PTPRK: variants seen among roughly 807,000 people sequenced by gnomAD.
PTPRK encodes the protein receptor-type tyrosine-protein phosphatase kappa.
A neutral mutation model predicts 178.0 loss-of-function variants in PTPRK; 75 were observed. The ratio of observed to expected loss-of-function variants is 0.42; its 90% confidence interval spans 0.35 to 0.51. The LOEUF is 0.51. PTPRK is among the 20% of genes least tolerant of loss of function. The probability of loss-of-function intolerance (pLI) is 0.02; values close to 1 mark genes in which losing one functional copy is unlikely to be tolerated. For synonymous variants in PTPRK, 637 were observed against 620.6 expected (o/e 1.03, Z -0.39); for missense variants, 1,441 against 1,797.8 (o/e 0.80, Z 3.59).
At chr6:128,314,500 G>A (rs904617615) in intron 3 of PTPRK, among the ~76,000 whole-genome samples, 5 of 152,200 alleles carry the variant, frequency 3.3e-5, no homozygotes, top group African/African-American at 1.2e-4. Context: ...TTCAGGCTGG[G>A]AATTCCACTT....
intron 1 of PTPRK, among the ~76,000 whole-genome samples, chr6:128,495,276 G>A (rs950507433): frequency 1.3e-5 from 2 of 152,120 alleles, no homozygotes; most frequent in Admixed American, 6.5e-5. Context: ...AATTTTAAAT[G>A]ACTACATTTT....
intron 13 of PTPRK, among the ~76,000 whole-genome samples, chr6:128,021,664 C>T (rs1478115574): frequency 2.0e-5 from 3 of 152,100 alleles, no homozygotes; most frequent in African/African-American, 4.8e-5. Flanking sequence ...AAAGTTTCAT[C>T]TCTTCCACAA....
At chr6:128,309,565 C>A (rs927240698) in intron 3 of PTPRK, among the ~76,000 whole-genome samples, 1 of 152,154 alleles carries the variant, frequency 6.6e-6, no homozygotes, top group Non-Finnish European at 1.5e-5. Flanking sequence ...CCTCCCCACA[C>A]TGGAGTTACT....
intron 29 of PTPRK, 65 bp downstream of exon 29, chr6:127,972,957 A>G (rs1482650314): frequency 6.6e-7 from 1 of 1,506,396 alleles, no homozygotes; most frequent in Non-Finnish European, 9.2e-7. Context: ...AAGTCAAATC[A>G]ATAAGTAGGT....
At chr6:128,176,857 T>C (rs888255396) in intron 7 of PTPRK, among the ~76,000 whole-genome samples, 1 of 151,672 alleles carries the variant, frequency 6.6e-6, no homozygotes, top group Non-Finnish European at 1.5e-5. Flanking sequence ...ATCATTTTTT[T>C]CAATCAAGAA....
At chr6:128,167,213 C>A (rs939460913) in intron 7 of PTPRK, among the ~76,000 whole-genome samples, 4 of 151,646 alleles carry the variant, frequency 2.6e-5, no homozygotes, top group Non-Finnish European at 5.9e-5. Context: ...TGTACACAGC[C>A]AGAAAAAAAA....
intron 1 of PTPRK, among the ~76,000 whole-genome samples, chr6:128,500,250 C>A (rs934890965): frequency 6.6e-6 from 1 of 152,030 alleles, no homozygotes; most frequent in Non-Finnish European, 1.5e-5. Flanking sequence ...TCAGGCCCTG[C>A]TGAATAAACA....
At chr6:128,224,574 A>T (rs1583564053) in intron 5 of PTPRK, among the ~76,000 whole-genome samples, 1 of 152,224 alleles carries the variant, frequency 6.6e-6, no homozygotes, top group Non-Finnish European at 1.5e-5. Flanking sequence ...CTTTAGATAT[A>T]TTGTATCAAA....
At chr6:128,424,400 C>T (rs915041278) in intron 1 of PTPRK, among the ~76,000 whole-genome samples, 1 of 152,098 alleles carries the variant, frequency 6.6e-6, no homozygotes, top group Non-Finnish European at 1.5e-5. Flanking sequence ...GGCTGAAGCC[C>T]ACATCTCTCA....
chr6:128,169,002 C>A (rs182570665), intron 7 of PTPRK, among the ~76,000 whole-genome samples: 1 of 152,026 alleles, frequency 6.6e-6, no homozygotes, highest in African/African-American at 2.4e-5. Flanking sequence ...TGTGACCTCA[C>A]TTAAATGTGG....
intron 7 of PTPRK, among the ~76,000 whole-genome samples, chr6:128,092,552 C>T (rs943430578): frequency 6.6e-6 from 1 of 152,112 alleles, no homozygotes; most frequent in Non-Finnish European, 1.5e-5. Flanking sequence ...TACACATATG[C>T]AGTACATACA....
chr6:128,235,514 G>C, intron 5 of PTPRK: 1 of 444,966 alleles, frequency 2.2e-6, no homozygotes, highest in Non-Finnish European at 4.7e-6. Context: ...CCGTATCATT[G>C]AACGTTCCTC....
chr6:128,412,226 T>TTG lies in PTPRK; in HGVS notation c.101-14539_101-14538insCA, dbSNP rs201698590. 4.9e-4 allele frequency among the ~76,000 whole-genome samples: 75 copies of TTG among 152,356 alleles called. 1 individual carries two copies. In the East Asian group the frequency reaches 0.014, roughly 29 times the overall value. On this transcript the variant is annotated intron_variant, in intron 1 of 29. Transcript: ENST00000368226. Reference sequence around the variant, plus strand: ...ATACAGGATATTCAGCAGCCATTGATGGCAGAGTGGCGACAAGCCAGGCAA... The same window carrying TTG: ...ATACAGGATATTCAGCAGCCATTGATTGGGCAGAGTGGCGACAAGCCAGGCAA...
At chr6:128,168,601 G>T (rs769459623) in intron 7 of PTPRK, among the ~76,000 whole-genome samples, 7 of 152,012 alleles carry the variant, frequency 4.6e-5, no homozygotes, top group Non-Finnish European at 8.8e-5. Context: ...ATTCTCATGG[G>T]AGCGTAAACC....
At chr6:128,318,233 C>A (rs1172955669) in intron 3 of PTPRK, among the ~76,000 whole-genome samples, 1 of 152,132 alleles carries the variant, frequency 6.6e-6, no homozygotes, top group African/African-American at 2.4e-5. Flanking sequence ...GAAGATCAAT[C>A]TTTTAGAGGC....
At chr6:128,202,108 G>A (rs1317833475) in intron 6 of PTPRK, among the ~76,000 whole-genome samples, 2 of 152,186 alleles carry the variant, frequency 1.3e-5, no homozygotes, top group Non-Finnish European at 1.5e-5. Flanking sequence ...AACGAAGGCA[G>A]AGAGTGAATT....
chr6:128,214,727 G>A (rs1188736378), intron 6 of PTPRK, among the ~76,000 whole-genome samples: 5 of 152,042 alleles, frequency 3.3e-5, no homozygotes, highest in East Asian at 1.9e-4. Flanking sequence ...AAAGAACGTG[G>A]ATCTTTAATG....
chr6:128,248,448 C>A (rs1422704678), intron 3 of PTPRK, among the ~76,000 whole-genome samples: 1 of 151,796 alleles, frequency 6.6e-6, no homozygotes, highest in Non-Finnish European at 1.5e-5. Flanking sequence ...GATGAGGCTA[C>A]AATGAGGACA....
rs1273367363 is a variant in PTPRK, at chr6:128,463,760, T to C, written c.100+56499A>G. On this transcript the variant is annotated intron_variant, in intron 1 of 29. Coordinates refer to ENST00000368226, the MANE Select transcript of PTPRK (RefSeq NM_002844.4). ...TTCACGGTTTTTTTTTTTTTTTTTT[T>C]TTTTTTTTGAGACAGAGTTTCACTC... Among the ~76,000 whole-genome samples the C allele has an allele frequency of 2.8e-5, 4 of 142,514 alleles. No individual in the cohort carries two copies. In the East Asian group the frequency reaches 8.0e-4, roughly 28 times the overall value. 93.5% of individuals were successfully genotyped at this position (142,514 alleles called of 152,430 possible).
Sources: allele counts gnomAD v4.1 joint callset (sites outside exome capture counted in the v4.1 genomes callset), GRCh38; gene constraint gnomAD v4.1.1; transcripts MANE v1.5; gene names NCBI Gene and HGNC (gene_info 2026-07-23, HGNC 2026-07-21).